ADAMTSL1: variants seen among roughly 807,000 people sequenced by gnomAD.
ADAMTSL1 encodes ADAMTS like 1, also known as ADAMTS-like protein 1.
ADAMTSL1 carries 126 observed loss-of-function variants against 201.8 expected under a neutral mutation model. The ratio of observed to expected loss-of-function variants is 0.62; its 90% CI spans 0.54 to 0.72. The LOEUF is 0.72. Among genes scored for constraint, ADAMTSL1 ranks in the 30% least tolerant of loss-of-function variants. The pLI is 0.00. For missense variants in ADAMTSL1, 2,679 were observed against 2,277.8 expected, an observed-to-expected ratio of 1.18 and a Z score of -3.59; for synonymous variants, 1,121 against 903.4, an observed-to-expected ratio of 1.24 and a Z score of -4.32.
intron 2 of ADAMTSL1, among the ~76,000 whole-genome samples, chr9:18,168,015 G>C (rs768031883): frequency 6.6e-6 from 1 of 151,946 alleles, no homozygotes; most frequent in East Asian, 1.9e-4. Context: ...GGAATAAAGA[G>C]AAGAATGAAC....
At chr9:18,538,458 C>A (rs1819931974) in intron 3 of ADAMTSL1, among the ~76,000 whole-genome samples, 1 of 152,072 alleles carries the variant, frequency 6.6e-6, no homozygotes, top group African/African-American at 2.4e-5. Context: ...GTCCCGTCCA[C>A]CTCTGAAATT....
chr9:18,223,948 T>A (rs1340586511), intron 2 of ADAMTSL1, among the ~76,000 whole-genome samples: 1 of 152,198 alleles, frequency 6.6e-6, no homozygotes, highest in Non-Finnish European at 1.5e-5. Context: ...AATCTAGGAC[T>A]CTTTTATATT....
intron 5 of ADAMTSL1, among the ~76,000 whole-genome samples, chr9:18,626,435 T>C (rs1291388011): frequency 6.6e-6 from 1 of 152,184 alleles, no homozygotes; most frequent in Non-Finnish European, 1.5e-5. Context: ...AAGAAAATTC[T>C]AGGAAAAGAG....
chr9:18,812,306 C>T (rs1823554586), intron 20 of ADAMTSL1, among the ~76,000 whole-genome samples: 1 of 152,104 alleles, frequency 6.6e-6, no homozygotes, highest in Non-Finnish European at 1.5e-5. Flanking sequence ...GACAAAAGTG[C>T]AAAAGCAATT....
At chr9:18,447,696 C>G (rs1002622924) in intron 2 of ADAMTSL1, among the ~76,000 whole-genome samples, 13 of 152,158 alleles carry the variant, frequency 8.5e-5, no homozygotes, top group African/African-American at 2.7e-4. Context: ...TTTGCTAGAC[C>G]CTTTCTGAAT....
intron 1 of ADAMTSL1, among the ~76,000 whole-genome samples, chr9:17,907,152 T>C (rs186335112): frequency 6.6e-6 from 1 of 152,290 alleles, no homozygotes; most frequent in East Asian, 1.9e-4. Context: ...CCTGGGACCC[T>C]GTCCTGGCTT....
chr9:18,352,752 G>A (rs2133035729), intron 2 of ADAMTSL1, among the ~76,000 whole-genome samples: 1 of 152,192 alleles, frequency 6.6e-6, no homozygotes, highest in Admixed American at 6.5e-5. Flanking sequence ...TAAATACACA[G>A]GGTACAAAAA....
chr9:18,466,350 A>G (rs1821004494), intron 2 of ADAMTSL1, among the ~76,000 whole-genome samples: 1 of 152,112 alleles, frequency 6.6e-6, no homozygotes, highest in Admixed American at 6.6e-5. Flanking sequence ...CCATGCTGTT[A>G]TCTTATATTT....
chr9:18,101,141 T>C (rs916487867), intron 1 of ADAMTSL1, among the ~76,000 whole-genome samples: 1 of 152,220 alleles, frequency 6.6e-6, no homozygotes, highest in Admixed American at 6.5e-5. Context: ...CTAGAAGTCC[T>C]ACATAATACT....
At chr9:18,543,810 C>T (rs1467375578) in intron 3 of ADAMTSL1, among the ~76,000 whole-genome samples, 2 of 152,212 alleles carry the variant, frequency 1.3e-5, no homozygotes, top group East Asian at 1.9e-4. Flanking sequence ...CTGGGTGCCC[C>T]CCAGCCCCAG....
chr9:18,342,658 T>C (rs1286427557), intron 2 of ADAMTSL1, among the ~76,000 whole-genome samples: 3 of 152,174 alleles, frequency 2.0e-5, no homozygotes, highest in African/African-American at 7.2e-5. Flanking sequence ...GTGGCCATCA[T>C]GGCTAGTGCT....
chr9:18,146,688 A>G (rs148953674), intron 1 of ADAMTSL1, among the ~76,000 whole-genome samples: 58 of 152,288 alleles, frequency 3.8e-4, no homozygotes, highest in Non-Finnish European at 4.7e-4. Context: ...TGCAAGGCAT[A>G]TGCTCAAACA....
chr9:18,825,947 T>C (rs1356306272), intron 21 of ADAMTSL1, among the ~76,000 whole-genome samples: 4 of 152,224 alleles, frequency 2.6e-5, no homozygotes, highest in African/African-American at 4.8e-5. Flanking sequence ...TCCTTCCACC[T>C]TGGCAAGCCC....
At chr9:18,156,332 G>C (rs1229951405) in intron 1 of ADAMTSL1, among the ~76,000 whole-genome samples, 1 of 151,956 alleles carries the variant, frequency 6.6e-6, no homozygotes, top group East Asian at 1.9e-4. Flanking sequence ...GGTGAAGAAA[G>C]AAGTTCCTTT....
intron 1 of ADAMTSL1, among the ~76,000 whole-genome samples, chr9:18,483,333 A>T (rs1052300403): frequency 6.6e-6 from 1 of 152,234 alleles, no homozygotes; most frequent in Non-Finnish European, 1.5e-5. Context: ...GGATCCAGAT[A>T]CTGGAATCTT....
intron 1 of ADAMTSL1, among the ~76,000 whole-genome samples, chr9:18,045,650 T>G (rs1821626026): frequency 6.6e-6 from 1 of 152,118 alleles, no homozygotes; most frequent in African/African-American, 2.4e-5. Flanking sequence ...AGGCCATAGC[T>G]TTCGGCAGTG....
chr9:18,497,236 G>C, intron 1 of ADAMTSL1, among the ~76,000 whole-genome samples: 1 of 152,112 alleles, frequency 6.6e-6, no homozygotes. Context: ...ATAGTCCAGG[G>C]GCCAGGAAGG....
At chr9:18,423,069 TC>T (rs1819035788) in intron 2 of ADAMTSL1, among the ~76,000 whole-genome samples, 1 of 152,220 alleles carries the variant, frequency 6.6e-6, no homozygotes, top group Non-Finnish European at 1.5e-5. Context: ...TTCTTTAATT[TC>T]TTTCCCCTTC....
intron 2 of ADAMTSL1, among the ~76,000 whole-genome samples, chr9:18,253,034 G>A (rs1831528153): frequency 6.6e-6 from 1 of 152,146 alleles, no homozygotes; most frequent in African/African-American, 2.4e-5. Context: ...TCCATACTAT[G>A]GAATACTGTG....
Sources: allele counts gnomAD v4.1 joint callset (sites outside exome capture counted in the v4.1 genomes callset), GRCh38; gene constraint gnomAD v4.1.1; transcripts MANE v1.5; gene names NCBI Gene and HGNC (gene_info 2026-07-23, HGNC 2026-07-21).